PCNX1: variants seen among roughly 807,000 people sequenced by gnomAD.
The protein encoded by PCNX1 is pecanex-like protein 1.
A neutral mutation model predicts 242.2 loss-of-function variants in PCNX1; 78 were observed. The observed-to-expected ratio is 0.32, with a 90% CI of 0.27 to 0.39. The LOEUF (loss-of-function observed/expected upper bound fraction) is 0.39, where lower values mean the gene tolerates loss of function less well. PCNX1 is among the 10% of genes least tolerant of loss of function. The probability of loss-of-function intolerance (pLI) is 1.00; values close to 1 mark genes in which losing one functional copy is unlikely to be tolerated. For synonymous variants in PCNX1, 1,024 were observed against 1,032.9 expected, an observed-to-expected ratio of 0.99 and a Z score of 0.17; for missense variants, 2,581 against 2,856.5, an observed-to-expected ratio of 0.90 and a Z score of 2.20.
chr14:70,907,808 A>G lies in PCNX1; in HGVS notation c.-43A>G, dbSNP rs3094890. ...AGGCCGAGCTGGGGCCGGGGCGGGG[A>G]CGGCGGCGGCGGCGGCGGCGACGGC... On this transcript the variant is annotated 5_prime_UTR_variant, in exon 1 of 36. Coordinates refer to ENST00000304743, the MANE Select transcript of PCNX1 (RefSeq NM_014982.3). The G allele has an allele frequency of 6.6e-6, 8 of 1,216,744 alleles. No individual in the cohort carries two copies. The highest frequency in any genetic ancestry group is 1.7e-5 in the African/African-American group (1 of 59,976). The allele number at this position is 1,216,744 out of a possible 1,614,324, so 75.4% of individuals were successfully genotyped here.
Position 71,103,384 on chromosome 14 carries a change from C to T in PCNX1, c.5821-11C>T. The stretch of plus-strand genomic sequence containing the variant: ...CCCCTTAACCTAATTCCCTTGTGTT[C>T]TGGTTTTCAGGTGAATAAGGAATGT... On this transcript the variant is annotated splice_polypyrimidine_tract_variant and intron_variant, in intron 31 of 35. Coordinates refer to ENST00000304743, the MANE Select transcript of PCNX1 (RefSeq NM_014982.3). 1 of 1,612,976 alleles carries T rather than the reference C, an allele frequency of 6.2e-7. No individual in the cohort carries two copies. Among genetic ancestry groups the T allele is most frequent in the Non-Finnish European group, 8.5e-7 (1 of 1,179,158 alleles).
At chr14:71,029,951 G>T (rs1440153525) in intron 16 of PCNX1, among the ~76,000 whole-genome samples, 1 of 152,174 alleles carries the variant, frequency 6.6e-6, no homozygotes, top group South Asian at 2.1e-4. Flanking sequence ...TCTAGTTGAG[G>T]AATATTATGA....
chr14:71,054,420 A>G (rs913845825), intron 24 of PCNX1, among the ~76,000 whole-genome samples: 15 of 152,222 alleles, frequency 9.9e-5, no homozygotes, highest in Non-Finnish European at 1.6e-4. Flanking sequence ...AATCGGAAAG[A>G]AATTTTAATT....
chr14:71,071,642 C>G (rs529304249), intron 26 of PCNX1, among the ~76,000 whole-genome samples: 1 of 152,258 alleles, frequency 6.6e-6, no homozygotes, highest in South Asian at 2.1e-4. Context: ...TGAGGCCTAC[C>G]CAGCCACACT....
intron 30 of PCNX1, among the ~76,000 whole-genome samples, chr14:71,098,499 T>A (rs1440808918): frequency 6.7e-6 from 1 of 148,732 alleles, no homozygotes; most frequent in South Asian, 2.2e-4. Context: ...CCTCCTTGGT[T>A]AGATGTATTC....
intron 7 of PCNX1, among the ~76,000 whole-genome samples, chr14:70,994,396 G>GATATATGTGTATATATATATATAT (rs1371763584): frequency 1.0e-5 from 1 of 96,966 alleles, no homozygotes; most frequent in African/African-American, 3.8e-5. Context: ...ACAGGCTTAA[G>GATATATGTGTATATATATATATAT]ATATATATAT....
chr14:70,920,842 A>G (rs2140087392), intron 1 of PCNX1, among the ~76,000 whole-genome samples: 2 of 152,326 alleles, frequency 1.3e-5, no homozygotes, highest in Middle Eastern at 3.4e-3. Flanking sequence ...CTTTATGCAG[A>G]GGATATTCAT....
intron 1 of PCNX1, among the ~76,000 whole-genome samples, chr14:70,932,989 C>T (rs1200897923): frequency 6.6e-6 from 1 of 152,106 alleles, no homozygotes; most frequent in African/African-American, 2.4e-5. Context: ...CCATTGTTTT[C>T]TAGTGTAAAC....
At position 70,968,184 on chromosome 14, in the gene PCNX1, T is replaced by C. The variant is rs1194196980; in HGVS notation, c.469-14T>C. 2.5e-6 allele frequency: 4 copies of C among 1,604,120 alleles called. No individual in the cohort carries two copies. Among genetic ancestry groups the C allele is most frequent in the South Asian group, 1.1e-5 (1 of 90,874 alleles). On this transcript the variant is annotated splice_polypyrimidine_tract_variant and intron_variant, in intron 3 of 35. Coordinates refer to ENST00000304743, the MANE Select transcript of PCNX1 (RefSeq NM_014982.3). ...ATTTTAATTAGTTTTATTTACTTCA[T>C]GTCACGTTTTCAGATTGGATCTGGT... is the stretch of plus-strand genomic sequence containing the variant.
chr14:70,995,270 C>T (rs989595796), intron 7 of PCNX1, among the ~76,000 whole-genome samples: 9 of 152,092 alleles, frequency 5.9e-5, no homozygotes, highest in Non-Finnish European at 1.0e-4. Flanking sequence ...TTTTCAAGTG[C>T]ATATAAACTT....
At chr14:70,974,598 A>G (rs1191803083) in intron 5 of PCNX1, among the ~76,000 whole-genome samples, 1 of 152,218 alleles carries the variant, frequency 6.6e-6, no homozygotes, top group Non-Finnish European at 1.5e-5. Context: ...GGTGACATGA[A>G]CAACTTTGTG....
intron 2 of PCNX1, among the ~76,000 whole-genome samples, chr14:70,960,026 T>G (rs368890230): frequency 1.0e-5 from 1 of 99,718 alleles, no homozygotes; most frequent in Non-Finnish European, 2.2e-5. Flanking sequence ...CATAAATGTC[T>G]TCTTTTGAGA....
chr14:71,027,163 G>A (rs568681426), intron 15 of PCNX1: 24 of 279,856 alleles, frequency 8.6e-5, no homozygotes, highest in Non-Finnish European at 1.3e-4. Context: ...TTTACATGGA[G>A]CCTACATATA....
chr14:70,938,458 C>A (rs1277390340), intron 1 of PCNX1, among the ~76,000 whole-genome samples: 2 of 152,194 alleles, frequency 1.3e-5, no homozygotes, highest in Non-Finnish European at 2.9e-5. Context: ...ATTGAACCAG[C>A]CTTGCATCCC....
chr14:70,983,168 A>T (rs1260643012), intron 6 of PCNX1, among the ~76,000 whole-genome samples: 1 of 152,204 alleles, frequency 6.6e-6, no homozygotes, highest in Non-Finnish European at 1.5e-5. Context: ...CTTTCATCCC[A>T]TTCACAAAGG....
At chr14:70,970,018 A>G (rs1315481672) in intron 5 of PCNX1, 2 of 151,534 alleles carry the variant, frequency 1.3e-5, no homozygotes, top group Admixed American at 6.6e-5. Context: ...GTATGTATGT[A>G]TGTATGTATG....
At chr14:71,100,084 T>C (rs1400776923) in intron 30 of PCNX1, among the ~76,000 whole-genome samples, 6 of 152,234 alleles carry the variant, frequency 3.9e-5, no homozygotes, top group Non-Finnish European at 8.8e-5. Context: ...AATATTGATA[T>C]GTGAGGTTTT....
intron 1 of PCNX1, among the ~76,000 whole-genome samples, chr14:70,914,485 T>G (rs2056068170): frequency 6.6e-6 from 1 of 152,234 alleles, no homozygotes; most frequent in African/African-American, 2.4e-5. Context: ...TTACTCCAAA[T>G]CATAAAATCA....
chr14:71,109,686 G>A (rs145395873), intron 35 of PCNX1, 94 bp downstream of exon 35: 48 of 1,569,856 alleles, frequency 3.1e-5, no homozygotes, highest in East Asian at 6.7e-5. Flanking sequence ...ATACTTAAAC[G>A]TATAATTTTC....
Sources: gnomAD v4.1 joint callset for allele counts (sites outside exome capture counted in the v4.1 genomes callset) on GRCh38, gnomAD v4.1.1 for gene constraint, MANE v1.5 for transcripts, NCBI Gene and HGNC (gene_info 2026-07-23, HGNC 2026-07-21) for gene names.